The following CTBP2 variants were observed in gnomAD, a reference collection of about 807,000 sequenced individuals.
CTBP2 encodes C-terminal binding protein 2.
In CTBP2, 30 loss-of-function variants were observed where a neutral mutation model predicts 80.3. The observed-to-expected ratio is 0.37, with a 90% CI of 0.28 to 0.51. The LOEUF is 0.51. Among genes scored for constraint, CTBP2 ranks in the 20% least tolerant of loss-of-function variants. The probability of loss-of-function intolerance (pLI) is 0.93; values close to 1 mark genes in which losing one functional copy is unlikely to be tolerated. For missense variants in CTBP2, 1,212 were observed against 1,375.3 expected, an observed-to-expected ratio of 0.88 and a Z score of 1.88; for synonymous variants, 594 against 587.4, an observed-to-expected ratio of 1.01 and a Z score of -0.16.
chr10:125,033,215 T>C (rs1464512457), intron 3 of CTBP2, among the ~76,000 whole-genome samples: 1 of 152,198 alleles, frequency 6.6e-6, no homozygotes, highest in African/African-American at 2.4e-5. Context: ...GGGATCCCAC[T>C]GTGCCCCAGC....
At chr10:125,072,634 G>GAAAAAAAAAAAAAAAAAAAAAAAAAA (rs55742060) in intron 2 of CTBP2, among the ~76,000 whole-genome samples, 4 of 100,138 alleles carry the variant, frequency 4.0e-5, no homozygotes, top group Admixed American at 1.1e-4. Context: ...AAAAAGAAAA[G>GAAAAAAAAAAAAAAAAAAAAAAAAAA]AAAAAAAAAA....
chr10:125,003,550 G>A lies in CTBP2; in HGVS notation c.1679-58C>T, dbSNP rs1954828111. 2.2e-6 allele frequency: 3 copies of A among 1,379,132 alleles called. No homozygotes were observed. In the South Asian group the frequency reaches 4.4e-5, roughly 20 times the overall value. The allele number at this position is 1,379,132 out of a possible 1,614,324, so 85.4% of individuals were successfully genotyped here. On this transcript the variant is annotated intron_variant, in intron 1 of 8. Transcript: ENST00000309035. The stretch of plus-strand genomic sequence containing the variant: ...GGGTGGCTGGGGCCACAGGGTGCGT[G>A]GAGGGGCAGCTCCCCACTCATCACT...
intron 2 of CTBP2, among the ~76,000 whole-genome samples, chr10:125,089,410 G>A (rs976906678): frequency 6.6e-6 from 1 of 152,204 alleles, no homozygotes; most frequent in Non-Finnish European, 1.5e-5. Context: ...TTGAACTTCC[G>A]AAGTCACGGT....
chr10:125,008,015 C>T (rs1309404770), intron 1 of CTBP2, among the ~76,000 whole-genome samples: 1 of 151,894 alleles, frequency 6.6e-6, no homozygotes, highest in Admixed American at 6.6e-5. Context: ...GGCACGATCT[C>T]CGCTCACTGC....
At chr10:125,137,224 T>C (rs142122516) in intron 1 of CTBP2, among the ~76,000 whole-genome samples, 3 of 152,362 alleles carry the variant, frequency 2.0e-5, no homozygotes, top group Non-Finnish European at 2.9e-5. Context: ...TGCAGGAAGA[T>C]GTCACCAGTT....
At chr10:125,029,384 GGTGT>G (rs1957962227), upstream of CTBP2, among the ~76,000 whole-genome samples, 1 of 152,014 alleles carries the variant, frequency 6.6e-6, no homozygotes, top group East Asian at 1.9e-4. Context: ...TGGGATTACA[GGTGT>G]GCACCACCAC....
At chr10:125,094,739 C>A (rs1849298277) in intron 2 of CTBP2, among the ~76,000 whole-genome samples, 1 of 152,170 alleles carries the variant, frequency 6.6e-6, no homozygotes, top group South Asian at 2.1e-4. Flanking sequence ...CAATGAAGAA[C>A]CACCAGACCC....
At position 125,005,873 on chromosome 10, in the gene CTBP2, G is replaced by T. The variant is rs531974604; in HGVS notation, c.1679-2381C>A. The T allele has an allele frequency of 1.3e-4, 194 of 1,551,636 alleles. 2 individuals are homozygous for T. The East Asian group carries it at 4.4e-3, about 35-fold the overall frequency. Reference sequence around the variant, plus strand: ...ACTTCACTTTCAGGGGTGCTGGCAGGATGGTTATCGGAGAGAGTGCCTGAT... The same window carrying T: ...ACTTCACTTTCAGGGGTGCTGGCAGTATGGTTATCGGAGAGAGTGCCTGAT... On this transcript the variant is annotated intron_variant, in intron 1 of 8. Transcript: ENST00000309035.
chr10:125,048,217 G>A (rs540216982), intron 2 of CTBP2, among the ~76,000 whole-genome samples: 1 of 152,270 alleles, frequency 6.6e-6, no homozygotes, highest in East Asian at 1.9e-4. Context: ...GCCCAAGGGA[G>A]GCCTGGTGTC....
chr10:125,155,547 A>G (rs1390776768), intron 1 of CTBP2, among the ~76,000 whole-genome samples: 1 of 152,220 alleles, frequency 6.6e-6, no homozygotes, highest in Non-Finnish European at 1.5e-5. Context: ...TAATTTGTGA[A>G]TATCATTAGA....
At chr10:125,114,923 A>C (rs1590870373) in intron 1 of CTBP2, among the ~76,000 whole-genome samples, 1 of 152,058 alleles carries the variant, frequency 6.6e-6, no homozygotes, top group African/African-American at 2.4e-5. Flanking sequence ...TCTCTGCAGG[A>C]GGGATTTCTA....
At chr10:125,079,040 G>C (rs376041119) in intron 2 of CTBP2, among the ~76,000 whole-genome samples, 1 of 150,912 alleles carries the variant, frequency 6.6e-6, no homozygotes, top group Non-Finnish European at 1.5e-5. Flanking sequence ...CCAGCTACTC[G>C]GGAGGCTAAG....
At chr10:125,039,153 AC>A in exon 3 of CTBP2, 1 of 992,512 alleles carries the variant, frequency 1.0e-6, no homozygotes, top group East Asian at 2.4e-5. Context: ...GCCACTATGA[AC>A]CCTGAAACAA....
chr10:125,062,236 A>C (rs1590430843), intron 2 of CTBP2, among the ~76,000 whole-genome samples: 2 of 148,230 alleles, frequency 1.3e-5, no homozygotes, highest in East Asian at 4.6e-4. Context: ...GTGCCCCTGA[A>C]TGGGGGGACA....
In CTBP2 at chr10:124,984,892, T is replaced by G; in HGVS notation, c.*4626A>C. ...TCTCGGCGGCGAAATCACCCCCTGG[T>G]CACTCAGATGGTAGAAAAATGGCTT... On this transcript the variant is annotated 3_prime_UTR_variant, in exon 9 of 9. Transcript: ENST00000309035. 2 of 1,613,978 alleles carry G rather than the reference T, an allele frequency of 1.2e-6. No homozygotes were observed. The highest frequency in any genetic ancestry group is 1.7e-6 in the Non-Finnish European group (2 of 1,180,000).
chr10:125,031,176 T>A (rs888294225), upstream of CTBP2, among the ~76,000 whole-genome samples: 1 of 152,180 alleles, frequency 6.6e-6, no homozygotes, highest in African/African-American at 2.4e-5. Context: ...TTAAGTGTTG[T>A]GGAATTTGTG....
chr10:125,161,613 C>T (rs1322939655), upstream of CTBP2, among the ~76,000 whole-genome samples: 4 of 152,184 alleles, frequency 2.6e-5, no homozygotes, highest in African/African-American at 9.6e-5. Flanking sequence ...GAGACCGTGC[C>T]GGAGAGGCGG....
At chr10:125,095,402 A>G (rs1272422763) in intron 2 of CTBP2, among the ~76,000 whole-genome samples, 3 of 152,262 alleles carry the variant, frequency 2.0e-5, no homozygotes, top group Admixed American at 1.3e-4. Context: ...CCACGCTTCC[A>G]AGGGATGTGG....
chr10:125,078,543 C>G (rs1029965624), intron 2 of CTBP2, among the ~76,000 whole-genome samples: 1 of 151,482 alleles, frequency 6.6e-6, no homozygotes, highest in Admixed American at 6.6e-5. Flanking sequence ...CCAACACACA[C>G]TGGCCATTTC....
Sources: allele counts gnomAD v4.1 joint callset (sites outside exome capture counted in the v4.1 genomes callset), GRCh38; gene constraint gnomAD v4.1.1; transcripts MANE v1.5; gene names NCBI Gene and HGNC (gene_info 2026-07-23, HGNC 2026-07-21).